The following APOBEC3B variants were observed in gnomAD, a reference collection of about 807,000 sequenced individuals.
The protein encoded by APOBEC3B is apolipoprotein B mRNA editing enzyme catalytic subunit 3B, also known as DNA dC->dU-editing enzyme APOBEC-3B.
Under a neutral mutation model 53.4 loss-of-function variants are expected in APOBEC3B, and 29 were observed. The ratio of observed to expected loss-of-function variants is 0.54; its 90% CI spans 0.40 to 0.74. The LOEUF (loss-of-function observed/expected upper bound fraction) is 0.74, where lower values mean the gene tolerates loss of function less well. Among genes scored for constraint, APOBEC3B ranks in the 30% least tolerant of loss-of-function variants. The probability of loss-of-function intolerance (pLI) is 0.00; values close to 1 mark genes in which losing one functional copy is unlikely to be tolerated. For synonymous variants in APOBEC3B, 132 were observed against 184.8 expected (o/e 0.71, Z 2.32); for missense variants, 347 against 496.2 (o/e 0.70, Z 2.86).
chr22:38,989,424 A>C, intron 4 of APOBEC3B, 33 bp from the exon 5 acceptor site: 1 of 1,538,402 alleles, frequency 6.5e-7, no homozygotes, highest in Non-Finnish European at 8.8e-7. Flanking sequence ...GAGGAGTCTT[A>C]GGGCTTTTGG....
chr22:38,988,219 AG>A (rs1196264873), intron 4 of APOBEC3B, among the ~76,000 whole-genome samples: 2 of 148,214 alleles, frequency 1.3e-5, no homozygotes, highest in Non-Finnish European at 3.0e-5. Flanking sequence ...CTCTTGCTCT[AG>A]GTTCCCAGTT....
intron 2 of APOBEC3B, among the ~76,000 whole-genome samples, chr22:38,985,270 T>C (rs1048335007): frequency 6.7e-6 from 1 of 148,166 alleles, no homozygotes; most frequent in Non-Finnish European, 1.5e-5. Context: ...TCACTCTTTG[T>C]TGCCTGGGCT....
Position 38,992,589 on chromosome 22 carries a change from A to C in APOBEC3B, c.*144A>C. ...CAGCAAAGCAATGTGCTCCTGATCA[A>C]GTAGATTTTTTAAAAATCAGAGTCA... On this transcript the variant is annotated 3_prime_UTR_variant, in exon 8 of 8. Coordinates refer to ENST00000333467, the MANE Select transcript of APOBEC3B (RefSeq NM_004900.5). 6.4e-7 allele frequency: 1 copy of C among 1,561,312 alleles called. No homozygotes were observed. The highest frequency in any genetic ancestry group is 8.7e-7 in the Non-Finnish European group (1 of 1,152,716).
rs1434403960 is a variant in APOBEC3B, at chr22:38,991,559, C to T, written c.951C>T (p.Pro317=). The T allele has an allele frequency of 1.9e-6, 3 of 1,592,886 alleles. No homozygotes were observed. The highest frequency in any genetic ancestry group is 1.3e-5 in the African/African-American group (1 of 74,216). Residue 317 remains proline (P), a synonymous_variant, in exon 6 of 8, where the codon CCC becomes CCT. Transcript: ENST00000333467. ...IFAARIYDYD[P]LYKEALQMLR... is the part of the protein sequence containing the mutation. ...CTGCCCGCATCTATGATTACGACCC[C>T]CTATATAAGGAGGCGCTGCAAATGC...
At position 38,984,163 on chromosome 22, in the gene APOBEC3B, T is replaced by G; in HGVS notation, c.106T>G (p.Cys36Gly). 6.3e-7 allele frequency: 1 copy of G among 1,592,582 alleles called. No homozygotes were observed. The highest frequency in any genetic ancestry group is 8.5e-7 in the Non-Finnish European group (1 of 1,172,292). ...CTATGGTCGGAGCTACACTTGGCTG[T>G]GCTATGAAGTGAAAATAAAGAGGGG... ...ILYGRSYTWLCYEVKIKRGRS... is the reference protein window; with the variant it reads ...ILYGRSYTWLGYEVKIKRGRS... The change falls in exon 2 of 8, where the codon TGC (cysteine) becomes GGC (glycine). Residue 36 changes from cysteine to glycine, a missense_variant. This residue lies in a region of APOBEC3B where 73 missense variants were observed against 90.9 expected (regional missense o/e 0.80). Transcript: ENST00000333467.
At position 38,984,081 on chromosome 22, in the gene APOBEC3B, G is replaced by C. The variant is rs139242988; in HGVS notation, c.24G>C (p.Pro8=). MNPQIRN[P]MERMYRDTFY... Reference sequence around the variant, plus strand: ...TTCTCTCTTGTGCCTTCAGAAATCCGATGGAGCGGATGTATCGAGACACAT... The same window carrying C: ...TTCTCTCTTGTGCCTTCAGAAATCCCATGGAGCGGATGTATCGAGACACAT... Residue 8 remains proline (P), a synonymous_variant, in exon 2 of 8, where the codon CCG becomes CCC. Coordinates refer to ENST00000333467, the MANE Select transcript of APOBEC3B (RefSeq NM_004900.5). 2.0e-5 allele frequency: 32 copies of C among 1,575,548 alleles called. 1 individual carries two copies. In the African/African-American group the frequency reaches 4.3e-4, roughly 21 times the overall value.
intron 5 of APOBEC3B, among the ~76,000 whole-genome samples, chr22:38,990,159 C>G (rs1384424368): frequency 6.8e-6 from 1 of 147,916 alleles, no homozygotes; most frequent in African/African-American, 2.5e-5. Context: ...ACTTTCTTCC[C>G]TGGCCCCTAC....
At position 38,985,864 on chromosome 22, in the gene APOBEC3B, G is replaced by C; in HGVS notation, c.227G>C (p.Cys76Ser). Reference sequence around the variant, plus strand: ...GAAATGTGCTTCCTCTCTTGGTTCTGTGGCAACCAGCTGCCTGCTTACAAG... The same window carrying C: ...GAAATGTGCTTCCTCTCTTGGTTCTCTGGCAACCAGCTGCCTGCTTACAAG... ...HAEMCFLSWF[C>S]GNQLPAYKCF... The change falls in exon 3 of 8, where the codon TGT (cysteine) becomes TCT (serine). Residue 76 changes from cysteine to serine, a missense_variant. This residue lies in a region of APOBEC3B where 20 missense variants were observed against 50.9 expected (regional missense o/e 0.39). Transcript: ENST00000333467. The C allele has an allele frequency of 1.3e-6, 2 of 1,594,698 alleles. No individual in the cohort carries two copies. Among genetic ancestry groups the C allele is most frequent in the Non-Finnish European group, 1.7e-6 (2 of 1,172,750 alleles).
chr22:38,986,551 T>G (rs1923750835), intron 4 of APOBEC3B, 139 bp downstream of exon 4: 1 of 1,018,572 alleles, frequency 9.8e-7, no homozygotes, highest in African/African-American at 1.8e-5. Context: ...CCTTAACTCC[T>G]GGTGCTCCCT....
At chr22:38,986,708 G>C (rs1253178887) in intron 4 of APOBEC3B, among the ~76,000 whole-genome samples, 1 of 148,994 alleles carries the variant, frequency 6.7e-6, no homozygotes, top group African/African-American at 2.4e-5. Flanking sequence ...TGTGACATGG[G>C]GACAAGAGGA....
chr22:38,989,399 G>C lies in APOBEC3B; in HGVS notation c.570-58G>C, dbSNP rs1240926358. The C allele has an allele frequency of 2.7e-6, 4 of 1,462,022 alleles. 1 individual carries two copies. The highest frequency in any genetic ancestry group is 3.7e-6 in the Non-Finnish European group (4 of 1,080,856). The allele number at this position is 1,462,022 out of a possible 1,614,324, so 90.6% of individuals were successfully genotyped here. A position where few individuals can be genotyped will look rare whatever the true frequency, so the allele number is the denominator to read the frequency against. On this transcript the variant is annotated intron_variant, in intron 4 of 7. Coordinates refer to ENST00000333467, the MANE Select transcript of APOBEC3B (RefSeq NM_004900.5). Reference sequence around the variant, plus strand: ...GGAGTGGGGGGTGCAGGAGAGGAGCGAGAGGTAGTCCCAGGAGGAGTCTTA... The same window carrying C: ...GGAGTGGGGGGTGCAGGAGAGGAGCCAGAGGTAGTCCCAGGAGGAGTCTTA...
At chr22:38,984,352 A>G (rs1188265320) in intron 2 of APOBEC3B, 121 bp downstream of exon 2, 1 of 1,254,502 alleles carries the variant, frequency 8.0e-7, no homozygotes, top group Non-Finnish European at 1.1e-6. Flanking sequence ...ACTCACATCC[A>G]AAAAGGCTGA....
In APOBEC3B at chr22:38,982,375, G is replaced by A. The variant is rs1923567498; in HGVS notation, c.-79G>A. On this transcript the variant is annotated 5_prime_UTR_variant, in exon 1 of 8. Transcript: ENST00000333467. ...TTAAGGAGGGCTGTCCAACTGCAAG[G>A]ACGCTGTAAGCAGGAAGTGAAACCA... 6 of 1,566,512 alleles carry A rather than the reference G, an allele frequency of 3.8e-6. No individual in the cohort carries two copies. The highest frequency in any genetic ancestry group is 1.7e-4 in the Middle Eastern group (1 of 5,942).
At position 38,992,074 on chromosome 22, in the gene APOBEC3B, A is replaced by G; in HGVS notation, c.1059A>G (p.Gly353=). 1 of 1,591,662 alleles carries G rather than the reference A, an allele frequency of 6.3e-7. No homozygotes were observed. Among genetic ancestry groups the G allele is most frequent in the Non-Finnish European group, 8.5e-7 (1 of 1,171,848 alleles). Reference sequence around the variant, plus strand: ...GGGACACCTTTGTGTACCGCCAGGGATGTCCCTTCCAGCCCTGGGATGGAC... The same window carrying G: ...GGGACACCTTTGTGTACCGCCAGGGGTGTCCCTTCCAGCCCTGGGATGGAC... The part of the protein sequence containing the change: ...YCWDTFVYRQ[G]CPFQPWDGLE... Residue 353 remains glycine, a synonymous_variant, in exon 7 of 8, where the codon GGA becomes GGG. Transcript: ENST00000333467.
At chr22:38,982,548 C>A in intron 1 of APOBEC3B, 78 bp downstream of exon 1, 1 of 1,531,736 alleles carries the variant, frequency 6.5e-7, no homozygotes, top group East Asian at 2.6e-5. Context: ...CAACCCTGGC[C>A]TCCCCCCGCC....
chr22:38,985,667 A>G (rs1367126922), intron 2 of APOBEC3B, 145 bp from the exon 3 acceptor site: 2 of 736,704 alleles, frequency 2.7e-6, no homozygotes, highest in Non-Finnish European at 2.1e-6. Context: ...ACAATCACTC[A>G]AACTAAACAG....
intron 5 of APOBEC3B, 21 bp downstream of exon 5, chr22:38,989,631 C>T (rs567263174): frequency 2.6e-6 from 4 of 1,549,734 alleles, no homozygotes; most frequent in Non-Finnish European, 3.5e-6. Flanking sequence ...CAGCCACCTG[C>T]ATCCAGGCAG....
At chr22:38,987,254 C>T (rs1180139214) in intron 4 of APOBEC3B, among the ~76,000 whole-genome samples, 1 of 148,486 alleles carries the variant, frequency 6.7e-6, no homozygotes, top group Non-Finnish European at 1.5e-5. Flanking sequence ...TGGGCCTCAG[C>T]CCTGGCCTCC....
rs143837581 is a variant in APOBEC3B at position 38,985,012 on chromosome 22, C to T, written c.174+781C>T. On this transcript the variant is annotated intron_variant, in intron 2 of 7. Transcript: ENST00000333467. ...CACCTCTCAGGTTCAAGTGATTCTT[C>T]GGCCTTAGCCTCCCGAATAGCTGGG... 3.9e-4 allele frequency among the ~76,000 whole-genome samples: 56 copies of T among 143,228 alleles called. 10 individuals carry two copies. The East Asian group carries it at 0.011, about 28-fold the overall frequency. The allele number at this position is 143,228 out of a possible 152,430, so 94.0% of individuals were successfully genotyped here. A position where few individuals can be genotyped will look rare whatever the true frequency, so the allele number is the denominator to read the frequency against.
Sources: allele counts gnomAD v4.1 joint callset (sites outside exome capture counted in the v4.1 genomes callset), GRCh38; gene constraint gnomAD v4.1.1; regional missense constraint gnomAD v4.1.1; transcripts MANE v1.5; gene names NCBI Gene and HGNC (gene_info 2026-07-23, HGNC 2026-07-21).